The following ST3GAL6 variants were observed in gnomAD, a reference collection of about 807,000 sequenced individuals.
ST3GAL6 encodes the protein type 2 lactosamine alpha-2,3-sialyltransferase.
In ST3GAL6, 31 loss-of-function variants were observed where a neutral mutation model predicts 40.5. The ratio of observed to expected loss-of-function variants is 0.77; its 90% CI spans 0.58 to 1.03. The LOEUF (loss-of-function observed/expected upper bound fraction) is 1.03. Among genes scored for constraint, ST3GAL6 ranks in the 50% least tolerant of loss-of-function variants. ST3GAL6 has a pLI of 0.00. For synonymous variants in ST3GAL6, 129 were observed against 136.9 expected (o/e 0.94, Z 0.40); for missense variants, 357 against 393.2 (o/e 0.91, Z 0.78).
chr3:98,772,450 A>G (rs1939095691), intron 3 of ST3GAL6: 1 of 158,250 alleles, frequency 6.3e-6, no homozygotes. Context: ...AAATTTAGAA[A>G]TAGCTTAGCA....
intron 1 of ST3GAL6, among the ~76,000 whole-genome samples, chr3:98,758,149 C>A (rs1221306056): frequency 6.6e-6 from 1 of 152,088 alleles, no homozygotes. Context: ...CTAATTTTAA[C>A]TTTTTATTGG....
At chr3:98,732,625 T>G in intron 1 of ST3GAL6, 22 of 460,538 alleles carry the variant, frequency 4.8e-5, no homozygotes, top group East Asian at 7.8e-5. Context: ...CCTCCTCGAA[T>G]TTGGGGGCGG....
At chr3:98,739,118 A>C (rs115880442) in intron 1 of ST3GAL6, among the ~76,000 whole-genome samples, 1,584 of 152,322 alleles carry the variant, frequency 0.01, 27 homozygotes, top group African/African-American at 0.036. Flanking sequence ...AAAACAGTGA[A>C]ATTAAGGCAG....
At chr3:98,759,695 T>TG (rs1937596875), upstream of ST3GAL6, among the ~76,000 whole-genome samples, 1 of 152,144 alleles carries the variant, frequency 6.6e-6, no homozygotes, top group Non-Finnish European at 1.5e-5. Context: ...CCCCAACTCT[T>TG]GCGGTCTTCC....
Position 98,763,445 on chromosome 3 carries a change from C to T in ST3GAL6, c.-12+6C>T. 7.8e-7 allele frequency: 1 copy of T among 1,289,548 alleles called. No homozygotes were observed. Among genetic ancestry groups the T allele is most frequent in the Non-Finnish European group, 1.0e-6 (1 of 988,790 alleles). The allele number at this position is 1,289,548 out of a possible 1,614,324, so 79.9% of individuals were successfully genotyped here. ...CACCTGGTAAAGGTATGGAGGTGAG[C>T]CATGAACAAGGTTACCTGCTTAAGG... On this transcript the variant is annotated splice_donor_region_variant and intron_variant, in intron 1 of 9. Transcript: ENST00000483910.
intron 9 of ST3GAL6, 32 bp downstream of exon 9, chr3:98,792,025 T>C (rs760042224): frequency 6.6e-7 from 1 of 1,519,832 alleles, no homozygotes; most frequent in South Asian, 1.3e-5. Flanking sequence ...AATATACATA[T>C]GCTTTGGACT....
At chr3:98,739,823 G>C (rs964018607) in intron 1 of ST3GAL6, among the ~76,000 whole-genome samples, 1 of 152,162 alleles carries the variant, frequency 6.6e-6, no homozygotes, top group Admixed American at 6.5e-5. Context: ...ATTTAGATGA[G>C]AGCAGTGAGG....
intron 1 of ST3GAL6, chr3:98,732,990 G>C (rs1373641291): frequency 2.0e-6 from 3 of 1,487,852 alleles, no homozygotes; most frequent in Non-Finnish European, 2.7e-6. Context: ...GGCCGGCTTC[G>C]CTGCGGGTTT....
intron 5 of ST3GAL6, among the ~76,000 whole-genome samples, chr3:98,778,938 G>C (rs1417715579): frequency 6.6e-6 from 1 of 152,196 alleles, no homozygotes; most frequent in Non-Finnish European, 1.5e-5. Flanking sequence ...GCAGTGTGGG[G>C]CTGCTTATGG....
At chr3:98,754,141 C>G (rs539361978) in intron 1 of ST3GAL6, among the ~76,000 whole-genome samples, 2 of 152,308 alleles carry the variant, frequency 1.3e-5, no homozygotes, top group South Asian at 4.1e-4. Flanking sequence ...AGTGACCCCT[C>G]TGATGGATGT....
At chr3:98,733,788 G>C (rs1396523544) in intron 1 of ST3GAL6, among the ~76,000 whole-genome samples, 6 of 152,136 alleles carry the variant, frequency 3.9e-5, no homozygotes, top group African/African-American at 1.4e-4. Flanking sequence ...CCTTCTTTTA[G>C]GATTTTTCAG....
chr3:98,756,929 G>A (rs758886179), intron 1 of ST3GAL6, among the ~76,000 whole-genome samples: 6 of 152,100 alleles, frequency 3.9e-5, no homozygotes, highest in Non-Finnish European at 8.8e-5. Flanking sequence ...TGGGCAAGAG[G>A]GTTTCCCTCT....
chr3:98,786,959 T>TGTGTGTGTGA (rs780955321), intron 6 of ST3GAL6, among the ~76,000 whole-genome samples: 6 of 74,802 alleles, frequency 8.0e-5, no homozygotes, highest in African/African-American at 1.9e-4. Context: ...GGGATAAGTG[T>TGTGTGTGTGA]GTGTGTGTGT....
At chr3:98,738,347 C>T (rs1057037244) in intron 1 of ST3GAL6, among the ~76,000 whole-genome samples, 3 of 151,912 alleles carry the variant, frequency 2.0e-5, no homozygotes, top group Non-Finnish European at 4.4e-5. Flanking sequence ...AATCATTCTT[C>T]ACTGCAGCCT....
At chr3:98,735,196 G>A (rs1011221598) in intron 1 of ST3GAL6, among the ~76,000 whole-genome samples, 1 of 152,188 alleles carries the variant, frequency 6.6e-6, no homozygotes, top group African/African-American at 2.4e-5. Flanking sequence ...AACCAAGATT[G>A]CCTTAGGTTG....
At chr3:98,777,461 T>C (rs1239846502) in intron 5 of ST3GAL6, among the ~76,000 whole-genome samples, 2 of 152,206 alleles carry the variant, frequency 1.3e-5, no homozygotes, top group African/African-American at 4.8e-5. Flanking sequence ...ACTGTTTGCA[T>C]CCCATTGGAT....
chr3:98,744,081 C>G (rs1002907007), intron 1 of ST3GAL6, among the ~76,000 whole-genome samples: 9 of 152,138 alleles, frequency 5.9e-5, no homozygotes, highest in Non-Finnish European at 1.3e-4. Flanking sequence ...CGGGAAAACA[C>G]CACGTGAAGA....
intron 1 of ST3GAL6, among the ~76,000 whole-genome samples, chr3:98,755,040 T>C (rs982079536): frequency 5.3e-5 from 8 of 152,188 alleles, no homozygotes; most frequent in Non-Finnish European, 1.0e-4. Flanking sequence ...CTGAATTTAT[T>C]TTTTATTTAT....
At chr3:98,785,509 A>C (rs1940617466) in intron 6 of ST3GAL6, among the ~76,000 whole-genome samples, 1 of 152,174 alleles carries the variant, frequency 6.6e-6, no homozygotes, top group South Asian at 2.1e-4. Flanking sequence ...GGCAGAAAGG[A>C]TGTTTGCTGC....
Sources: allele counts gnomAD v4.1 joint callset (sites outside exome capture counted in the v4.1 genomes callset), GRCh38; gene constraint gnomAD v4.1.1; transcripts MANE v1.5; gene names NCBI Gene and HGNC (gene_info 2026-07-23, HGNC 2026-07-21).